Variants in RAB44 observed in about 807,000 individuals in gnomAD.
The protein encoded by RAB44 is RAB44, member RAS oncogene family.
A neutral mutation model predicts 93.3 loss-of-function variants in RAB44; 67 were observed. The observed-to-expected ratio is 0.72, with a 90% CI of 0.59 to 0.88. The LOEUF (loss-of-function observed/expected upper bound fraction) is 0.88. Ranked by LOEUF, RAB44 falls within the 40% of genes least tolerant of loss-of-function variation. The pLI, the probability that RAB44 is intolerant of heterozygous loss-of-function variation, is 0.00. For synonymous variants in RAB44, 427 were observed against 520.3 expected (o/e 0.82, Z 2.44); for missense variants, 1,064 against 1,261.7 (o/e 0.84, Z 2.37).
intron 3 of RAB44, 113 bp downstream of exon 3, chr6:36,714,052 C>G: frequency 1.4e-6 from 1 of 694,422 alleles, no homozygotes. Context: ...GACTTTCACC[C>G]CCCATCCCCG....
At chr6:36,703,854 T>G (rs936398238) in intron 1 of RAB44, among the ~76,000 whole-genome samples, 1 of 152,118 alleles carries the variant, frequency 6.6e-6, no homozygotes, top group African/African-American at 2.4e-5. Context: ...GAAAACCCTG[T>G]GTAACCACCC....
Position 36,718,553 on chromosome 6 carries a change from C to A in RAB44, c.793C>A (p.Arg265Ser), listed in dbSNP as rs544222392. 30 of 1,234,182 alleles carry A rather than the reference C, an allele frequency of 2.4e-5. No homozygotes were observed. In the African/African-American group the frequency reaches 4.5e-4, roughly 18 times the overall value. The allele number at this position is 1,234,182 out of a possible 1,614,324, so 76.5% of individuals were successfully genotyped here. Residue 265 changes from arginine (R) to serine (S), a missense_variant, in exon 7 of 14, where the codon CGC becomes AGC. Transcript: ENST00000612677. ...GCAGGACGTCCTAGAGGCCAAGGAGCGCGAGGTGCAGCGACTAGCTGAGGG... is the reference window on the plus strand; with the variant it reads ...GCAGGACGTCCTAGAGGCCAAGGAGAGCGAGGTGCAGCGACTAGCTGAGGG... Reference protein sequence around the residue: ...QMQDVLEAKEREVQRLAEGQR... With the variant: ...QMQDVLEAKESEVQRLAEGQR...
chr6:36,722,248 C>T lies in RAB44; in HGVS notation c.2114C>T (p.Thr705Ile). ...EQSVEAHGLETAHSELPQQDS... is the reference protein window; with the variant it reads ...EQSVEAHGLEIAHSELPQQDS... ...TCGGTTGAGGCTCACGGCCTAGAAA[C>T]TGCGCATTCGGAACTCCCCCAGCAA... The change falls in exon 9 of 14, where the codon ACT (threonine) becomes ATT (isoleucine). Residue 705 changes from threonine (T) to isoleucine (I), a missense_variant. Thr to Ile is a moderately conservative substitution (Grantham distance 89). Transcript: ENST00000612677. 1 of 1,274,276 alleles carries T rather than the reference C, an allele frequency of 7.8e-7. No homozygotes were observed. The highest frequency in any genetic ancestry group is 9.9e-7 in the Non-Finnish European group (1 of 1,011,932). 78.9% of individuals were successfully genotyped at this position (1,274,276 alleles called of 1,614,324 possible). A position where few individuals can be genotyped will look rare whatever the true frequency, so the allele number is the denominator to read the frequency against.
Position 36,725,873 on chromosome 6 carries a change from C to T in RAB44, c.2611C>T (p.Arg871Trp), listed in dbSNP as rs866196312. The stretch of plus-strand genomic sequence containing the variant: ...TCTATGTGTCCTAGGAGTAGATTTT[C>T]GGGTCAAAACCTTGCTGGTGGACAA... ...GLTATVGVDF[R>W]VKTLLVDNKC... Residue 871 changes from arginine (R) to tryptophan (W), a missense_variant, in exon 10 of 14, where the codon CGG becomes TGG. Coordinates refer to ENST00000612677, the MANE Select transcript of RAB44 (RefSeq NM_001257357.2). 31 of 1,550,342 alleles carry T rather than the reference C, an allele frequency of 2.0e-5. No homozygotes were observed. The highest frequency in any genetic ancestry group is 2.4e-5 in the East Asian group (1 of 40,936).
chr6:36,711,111 T>C (rs959558594), intron 2 of RAB44, among the ~76,000 whole-genome samples: 1 of 152,234 alleles, frequency 6.6e-6, no homozygotes, highest in Non-Finnish European at 1.5e-5. Context: ...TATTAATTGA[T>C]GTACTTCAAT....
At position 36,717,935 on chromosome 6, in the gene RAB44, T is replaced by C. The variant is rs1762964929; in HGVS notation, c.642-93T>C. On this transcript the variant is annotated intron_variant, in intron 5 of 13. Transcript: ENST00000612677. This position sits in a 1 kb window ranked among gnomAD's most constrained non-coding sequence, Gnocchi z 4.1. Reference sequence around the variant, plus strand: ...TGGCAGAGTGAGGAAAGCAATAGGATGGATTCCAAACCCAAGCCCAGACTG... The same window carrying C: ...TGGCAGAGTGAGGAAAGCAATAGGACGGATTCCAAACCCAAGCCCAGACTG... 3.0e-6 allele frequency: 2 copies of C among 663,300 alleles called. No homozygotes were observed. Among genetic ancestry groups the C allele is most frequent in the Non-Finnish European group, 4.3e-6 (2 of 469,220 alleles). 41.1% of individuals were successfully genotyped at this position (663,300 alleles called of 1,614,324 possible). A position where few individuals can be genotyped will look rare whatever the true frequency, so the allele number is the denominator to read the frequency against.
chr6:36,711,994 A>G (rs1169876095), intron 2 of RAB44, among the ~76,000 whole-genome samples: 1 of 152,010 alleles, frequency 6.6e-6, no homozygotes, highest in East Asian at 1.9e-4. Flanking sequence ...CTACAGTTCC[A>G]GCCACAGATC....
chr6:36,725,187 T>C (rs969299993), intron 9 of RAB44, among the ~76,000 whole-genome samples: 3 of 152,196 alleles, frequency 2.0e-5, no homozygotes, highest in African/African-American at 7.2e-5. Flanking sequence ...TTTTTTTTTT[T>C]GAGATGGAGT....
At chr6:36,718,164 C>T in intron 6 of RAB44, 46 bp downstream of exon 6, 2 of 1,183,580 alleles carry the variant, frequency 1.7e-6, no homozygotes, top group Non-Finnish European at 2.1e-6. Flanking sequence ...GCCCGGGACA[C>T]CTCTGCTGGC....
intron 9 of RAB44, among the ~76,000 whole-genome samples, chr6:36,725,427 G>T (rs1460148711): frequency 6.6e-6 from 1 of 152,232 alleles, no homozygotes; most frequent in Non-Finnish European, 1.5e-5. Flanking sequence ...GGCTCACAGA[G>T]GTGAAGTGAC....
intron 1 of RAB44, among the ~76,000 whole-genome samples, chr6:36,702,335 A>AGG (rs1762532415): frequency 2.0e-5 from 1 of 49,004 alleles, no homozygotes; most frequent in Non-Finnish European, 4.2e-5. Flanking sequence ...AGAGAGAGAG[A>AGG]GAGAATGTAC....
chr6:36,708,505 T>C lies in RAB44; in HGVS notation c.207+4063T>C, dbSNP rs144395531. 3.8e-3 allele frequency among the ~76,000 whole-genome samples: 586 copies of C among 152,250 alleles called. 1 individual carries two copies. The highest frequency in any genetic ancestry group is 5.8e-3 in the South Asian group (28 of 4,828). On this transcript the variant is annotated intron_variant, in intron 2 of 13. Transcript: ENST00000612677. ...TGGGAAGGCAAAATCAAAAGAACGG[T>C]TAGAGAAGATTTAGGCACTAGATTA...
At chr6:36,712,004 C>T (rs951965658) in intron 2 of RAB44, among the ~76,000 whole-genome samples, 7 of 152,078 alleles carry the variant, frequency 4.6e-5, no homozygotes, top group Non-Finnish European at 8.8e-5. Context: ...AGCCACAGAT[C>T]AAAAGTAAAC....
chr6:36,704,155 G>C, intron 1 of RAB44, 69 bp from the exon 2 acceptor site: 1 of 1,328,048 alleles, frequency 7.5e-7, no homozygotes, highest in Non-Finnish European at 1.0e-6. Flanking sequence ...GGGAGCCAGG[G>C]GAGGGTTTTG....
chr6:36,728,202 C>T (rs1189818785), intron 11 of RAB44, among the ~76,000 whole-genome samples: 5 of 152,182 alleles, frequency 3.3e-5, no homozygotes, highest in Non-Finnish European at 7.3e-5. Context: ...TGGGGTCTGA[C>T]AGGACCTACA....
rs1209677557 is a variant in RAB44 at position 36,704,229 on chromosome 6, A to G, written c.-7A>G. The G allele has an allele frequency of 1.3e-6, 2 of 1,535,610 alleles. No homozygotes were observed. The highest frequency in any genetic ancestry group is 2.0e-5 in the Admixed American group (1 of 50,988). ...CCTCACTCCTCTGTCCCCAGGGCCA[A>G]CGCACCATGGAGACTGGACAGAGAA... On this transcript the variant is annotated 5_prime_UTR_variant, in exon 2 of 14. Coordinates refer to ENST00000612677, the MANE Select transcript of RAB44 (RefSeq NM_001257357.2).
rs1028315454 is a variant in RAB44, at chr6:36,718,503, G to A, written c.743G>A (p.Arg248Gln). Residue 248 changes from arginine (R) to glutamine (Q), a missense_variant, in exon 7 of 14, where the codon CGG (arginine) becomes CAG (glutamine). By Grantham distance (43) the Arg-to-Gln change is conservative. Coordinates refer to ENST00000612677, the MANE Select transcript of RAB44 (RefSeq NM_001257357.2). ...KQQLQAESDS[R>Q]GLALTSQMQD... ...CTACCTACTCCACAGAGCGACTCTC[G>A]GGGCCTGGCCCTCACCTCCCAGATG... 1.6e-5 allele frequency: 20 copies of A among 1,232,610 alleles called. No individual in the cohort carries two copies. In the South Asian group the frequency reaches 1.6e-4, roughly 10 times the overall value. The allele number at this position is 1,232,610 out of a possible 1,614,324, so 76.4% of individuals were successfully genotyped here.
intron 10 of RAB44, among the ~76,000 whole-genome samples, chr6:36,726,279 T>C (rs1763237115): frequency 6.6e-6 from 1 of 152,228 alleles, no homozygotes; most frequent in Non-Finnish European, 1.5e-5. Context: ...GGAGTCTCGC[T>C]GTATTGCTCA....
At chr6:36,699,101 G>C (rs1316244305) in intron 1 of RAB44, among the ~76,000 whole-genome samples, 3 of 152,138 alleles carry the variant, frequency 2.0e-5, no homozygotes, top group African/African-American at 4.8e-5. Context: ...GGCACCTGCT[G>C]CCTTCCTGCC....
Sources: gnomAD v4.1 joint callset for allele counts (sites outside exome capture counted in the v4.1 genomes callset) on GRCh38, gnomAD v4.1.1 for gene constraint, Gnocchi (gnomAD v3.1) non-coding constraint, MANE v1.5 for transcripts, NCBI Gene and HGNC (gene_info 2026-07-23, HGNC 2026-07-21) for gene names.